ABL1: variants seen among roughly 807,000 people sequenced by gnomAD.
The protein encoded by ABL1 is tyrosine-protein kinase ABL1.
Under a neutral mutation model 94.7 loss-of-function variants are expected in ABL1, and 11 were observed. The observed-to-expected ratio is 0.12, with a 90% CI of 0.07 to 0.19. The LOEUF is 0.19. Ranked by LOEUF, ABL1 falls within the 10% of genes least tolerant of loss-of-function variation. ABL1 has a pLI of 1.00. For missense variants in ABL1, 1,082 were observed against 1,489.4 expected, an observed-to-expected ratio of 0.73 and a Z score of 4.50; for synonymous variants, 656 against 622.4, an observed-to-expected ratio of 1.05 and a Z score of -0.80.
intron 1 of ABL1, among the ~76,000 whole-genome samples, chr9:130,795,725 A>G (rs1221625524): frequency 6.6e-6 from 1 of 152,230 alleles, no homozygotes; most frequent in Non-Finnish European, 1.5e-5. Flanking sequence ...AATAATCAAC[A>G]TGTTTTAAAG....
At chr9:130,866,987 A>G (rs551699299) in intron 4 of ABL1, among the ~76,000 whole-genome samples, 11 of 152,254 alleles carry the variant, frequency 7.2e-5, no homozygotes, top group South Asian at 2.1e-4. Context: ...AGAGGCTGCA[A>G]TTTTTTAATG....
chr9:130,726,919 C>T lies in ABL1; in HGVS notation c.136+12464C>T, dbSNP rs538337094. Among the ~76,000 whole-genome samples the T allele has an allele frequency of 4.6e-5, 7 of 152,334 alleles. No individual in the cohort carries two copies. The East Asian group carries it at 1.3e-3, about 29-fold the overall frequency. ...TTAGCTCTATCACATAAGTTCATCACATAAGTTTTCATGTGTTATTATCAA... is the reference window on the plus strand; with the variant it reads ...TTAGCTCTATCACATAAGTTCATCATATAAGTTTTCATGTGTTATTATCAA... On this transcript the variant is annotated intron_variant, in intron 1 of 10. Coordinates refer to the ABL1 transcript ENST00000372348.
At chr9:130,741,924 C>T (rs1203196464) in intron 1 of ABL1, among the ~76,000 whole-genome samples, 1 of 152,166 alleles carries the variant, frequency 6.6e-6, no homozygotes, top group Non-Finnish European at 1.5e-5. Context: ...TTGGTGAGTG[C>T]CACAGCTTCC....
At chr9:130,741,932 TC>T (rs1831825514) in intron 1 of ABL1, among the ~76,000 whole-genome samples, 1 of 152,218 alleles carries the variant, frequency 6.6e-6, no homozygotes, top group Non-Finnish European at 1.5e-5. Context: ...TGCCACAGCT[TC>T]CTGCCCCTTA....
intron 1 of ABL1, among the ~76,000 whole-genome samples, chr9:130,725,400 G>T (rs530037395): frequency 1.3e-5 from 2 of 152,196 alleles, no homozygotes; most frequent in East Asian, 3.9e-4. Context: ...TTGTTTTTGA[G>T]ACGGAGTTTT....
At chr9:130,882,385 A>T (rs1374073479) in intron 10 of ABL1, among the ~76,000 whole-genome samples, 1 of 152,146 alleles carries the variant, frequency 6.6e-6, no homozygotes, top group Non-Finnish European at 1.5e-5. Flanking sequence ...GTGTTCCCTG[A>T]TTCAGATGTC....
chr9:130,818,900 T>C (rs1830323703), intron 1 of ABL1, among the ~76,000 whole-genome samples: 1 of 152,230 alleles, frequency 6.6e-6, no homozygotes, highest in Non-Finnish European at 1.5e-5. Flanking sequence ...CCAAGAACGC[T>C]TTCCTAACAC....
intron 1 of ABL1, among the ~76,000 whole-genome samples, chr9:130,732,415 A>G (rs1235846552): frequency 6.6e-6 from 1 of 152,180 alleles, no homozygotes; most frequent in Non-Finnish European, 1.5e-5. Context: ...TTTGTTAAGC[A>G]GTGGAGAGAC....
chr9:130,732,539 A>G (rs1039430315), intron 1 of ABL1, among the ~76,000 whole-genome samples: 1 of 151,894 alleles, frequency 6.6e-6, no homozygotes, highest in African/African-American at 2.4e-5. Context: ...TTCTCTGTGT[A>G]TTTAGTTTTT....
intron 1 of ABL1, among the ~76,000 whole-genome samples, chr9:130,764,721 G>T (rs1832158357): frequency 6.6e-6 from 1 of 152,184 alleles, no homozygotes; most frequent in Non-Finnish European, 1.5e-5. Flanking sequence ...ACTTTGGGAG[G>T]CCAGGGCAGG....
intron 1 of ABL1, among the ~76,000 whole-genome samples, chr9:130,828,751 C>CTT (rs919880911): frequency 3.9e-5 from 6 of 151,964 alleles, no homozygotes; most frequent in East Asian, 1.9e-4. Context: ...AATCCCAGGG[C>CTT]TTTAATATCC....
chr9:130,836,259 T>C (rs780490597), intron 1 of ABL1, among the ~76,000 whole-genome samples: 5 of 152,244 alleles, frequency 3.3e-5, no homozygotes, highest in African/African-American at 7.2e-5. Context: ...CCAGGAGGGC[T>C]TCACTTTTGC....
chr9:130,817,635 G>C (rs760056722), intron 1 of ABL1, among the ~76,000 whole-genome samples: 4 of 152,198 alleles, frequency 2.6e-5, no homozygotes, highest in Non-Finnish European at 4.4e-5. Flanking sequence ...AAAACTGCTG[G>C]TGAGTGTACC....
At chr9:130,713,048 A>G (rs371265095) in exon 1 of ABL1, among the ~76,000 whole-genome samples, 2 of 152,056 alleles carry the variant, frequency 1.3e-5, no homozygotes, top group African/African-American at 4.8e-5. Flanking sequence ...CTCGTAATCC[A>G]TCATGGCGGC....
At chr9:130,834,048 A>C (rs1438761953), upstream of ABL1, 2 of 456,118 alleles carry the variant, frequency 4.4e-6, no homozygotes, top group Non-Finnish European at 8.8e-6. Flanking sequence ...ACCTGGGTTG[A>C]GTCCATCTCC....
chr9:130,724,052 C>G (rs961143790), intron 1 of ABL1, among the ~76,000 whole-genome samples: 3 of 152,104 alleles, frequency 2.0e-5, no homozygotes, highest in African/African-American at 7.2e-5. Context: ...CCTCGTTATC[C>G]ACCTGCCTTG....
intron 1 of ABL1, among the ~76,000 whole-genome samples, chr9:130,755,297 G>A (rs1033047995): frequency 6.6e-6 from 1 of 152,196 alleles, no homozygotes; most frequent in Non-Finnish European, 1.5e-5. Flanking sequence ...GGATTGGTCA[G>A]AGGGGAGAGA....
chr9:130,744,355 A>G (rs1052725950), intron 1 of ABL1, among the ~76,000 whole-genome samples: 2 of 150,848 alleles, frequency 1.3e-5, no homozygotes, highest in Non-Finnish European at 3.0e-5. Flanking sequence ...GTTGGCCAGG[A>G]TGGTCTCGAT....
chr9:130,724,678 C>T (rs1588211118), intron 1 of ABL1: 2 of 328,286 alleles, frequency 6.1e-6, no homozygotes, highest in East Asian at 1.5e-4. Flanking sequence ...TGACGCATAC[C>T]TGTAATCCCA....
Sources: allele counts gnomAD v4.1 joint callset (sites outside exome capture counted in the v4.1 genomes callset), GRCh38; gene constraint gnomAD v4.1.1; transcripts MANE v1.5; gene names NCBI Gene and HGNC (gene_info 2026-07-23, HGNC 2026-07-21).